SLIT2: variants seen among roughly 807,000 people sequenced by gnomAD.
SLIT2 encodes slit guidance ligand 2.
Under a neutral mutation model 185.7 loss-of-function variants are expected in SLIT2, and 41 were observed. That is an observed-to-expected ratio of 0.22 (90% CI 0.17 to 0.29). The LOEUF (loss-of-function observed/expected upper bound fraction) is 0.29. Among genes scored for constraint, SLIT2 ranks in the 10% least tolerant of loss-of-function variants. The probability of loss-of-function intolerance (pLI) is 1.00; values close to 1 mark genes in which losing one functional copy is unlikely to be tolerated. For synonymous variants in SLIT2, 693 were observed against 680.2 expected (o/e 1.02, Z -0.29); for missense variants, 1,571 against 1,909.0 (o/e 0.82, Z 3.30).
chr4:20,604,627 G>C (rs899468322), intron 33 of SLIT2, among the ~76,000 whole-genome samples: 1 of 151,978 alleles, frequency 6.6e-6, no homozygotes, highest in African/African-American at 2.4e-5. Context: ...GATTACAGGC[G>C]TGAGCCACTG....
At chr4:20,421,404 G>T (rs971323245) in intron 4 of SLIT2, among the ~76,000 whole-genome samples, 1 of 152,086 alleles carries the variant, frequency 6.6e-6, no homozygotes. Flanking sequence ...GCTGATTCAC[G>T]ATGAGTTCCT....
chr4:20,285,884 G>A (rs1577369581), intron 4 of SLIT2, among the ~76,000 whole-genome samples: 1 of 152,228 alleles, frequency 6.6e-6, no homozygotes, highest in South Asian at 2.1e-4. Flanking sequence ...TCTACAAAGA[G>A]AACTATTTTC....
At chr4:20,437,260 G>C (rs1312360530) in intron 4 of SLIT2, among the ~76,000 whole-genome samples, 2 of 152,012 alleles carry the variant, frequency 1.3e-5, no homozygotes. Context: ...CATCTCCCAA[G>C]CTGGCTTCTC....
chr4:20,527,615 A>G (rs1015006872), intron 15 of SLIT2, among the ~76,000 whole-genome samples: 13 of 152,184 alleles, frequency 8.5e-5, no homozygotes, highest in African/African-American at 2.7e-4. Context: ...GGAATCAAGA[A>G]CTTAATTTGC....
At chr4:20,338,700 TGGGAGACAGCA>T (rs1278129401) in intron 4 of SLIT2, among the ~76,000 whole-genome samples, 3 of 152,196 alleles carry the variant, frequency 2.0e-5, no homozygotes, top group Non-Finnish European at 4.4e-5. Context: ...AATGTACTGC[TGGGAGACAGCA>T]GGGAGGGGTT....
At chr4:20,543,826 A>C (rs2148881595) in intron 21 of SLIT2, among the ~76,000 whole-genome samples, 1 of 152,306 alleles carries the variant, frequency 6.6e-6, no homozygotes, top group South Asian at 2.1e-4. Flanking sequence ...TCTCACTACC[A>C]ATCACATTGG....
chr4:20,475,703 G>A (rs571448070), intron 5 of SLIT2, among the ~76,000 whole-genome samples: 1 of 152,116 alleles, frequency 6.6e-6, no homozygotes, highest in South Asian at 2.1e-4. Context: ...TTTATTAAAC[G>A]TTAGCAATTA....
At chr4:20,324,909 A>G (rs1719428676) in intron 4 of SLIT2, among the ~76,000 whole-genome samples, 1 of 152,108 alleles carries the variant, frequency 6.6e-6, no homozygotes, top group African/African-American at 2.4e-5. Flanking sequence ...AAAAACTGCA[A>G]TTATTTTTGC....
chr4:20,466,048 C>T (rs556076181), intron 4 of SLIT2, among the ~76,000 whole-genome samples: 1 of 151,608 alleles, frequency 6.6e-6, no homozygotes, highest in South Asian at 2.1e-4. Context: ...AGAAACACTA[C>T]TAAATGGTTT....
At chr4:20,370,912 C>G (rs572832231) in intron 4 of SLIT2, among the ~76,000 whole-genome samples, 45 of 152,248 alleles carry the variant, frequency 3.0e-4, no homozygotes, top group Non-Finnish European at 5.9e-4. Context: ...TGCCCATTCT[C>G]AACTCCACTT....
At chr4:20,429,887 GGATTTCATCTGCTGGCA>G (rs1213639276) in intron 4 of SLIT2, among the ~76,000 whole-genome samples, 2 of 152,154 alleles carry the variant, frequency 1.3e-5, no homozygotes, top group Admixed American at 1.3e-4. Flanking sequence ...GGCCATGCTT[GGATTTCATCTGCTGGCA>G]GAGGACATCA....
chr4:20,292,703 C>T (rs1029957548), intron 4 of SLIT2, among the ~76,000 whole-genome samples: 21 of 152,116 alleles, frequency 1.4e-4, no homozygotes, highest in Admixed American at 1.1e-3. Flanking sequence ...ATATCAAACT[C>T]GTTAAAATAA....
At chr4:20,492,442 A>G (rs1717864689) in intron 9 of SLIT2, among the ~76,000 whole-genome samples, 1 of 152,252 alleles carries the variant, frequency 6.6e-6, no homozygotes, top group Non-Finnish European at 1.5e-5. Context: ...TACCTCCATT[A>G]AAAGTTAAAT....
rs189068331 is a variant in SLIT2, at chr4:20,619,601, A to T, written c.*592A>T. On this transcript the variant is annotated 3_prime_UTR_variant, in exon 37 of 37. Coordinates refer to ENST00000504154, the MANE Select transcript of SLIT2 (RefSeq NM_004787.4). ...TCTTCCTTTTAAATGTCAGCATGTC[A>T]GCAGAAGCAGCACACAAAAGTCTTT... is the stretch of plus-strand genomic sequence containing the variant. The T allele has an allele frequency of 3.9e-5, 6 of 152,336 alleles. No homozygotes were observed. Among genetic ancestry groups the T allele is most frequent in the African/African-American group, 1.4e-4 (6 of 41,592 alleles). The allele number at this position is 152,336 out of a possible 1,614,324, so 9.4% of individuals were successfully genotyped here. A position where few individuals can be genotyped will look rare whatever the true frequency, so the allele number is the denominator to read the frequency against.
intron 6 of SLIT2, among the ~76,000 whole-genome samples, chr4:20,483,536 T>G (rs537452248): frequency 6.6e-6 from 1 of 152,168 alleles, no homozygotes; most frequent in East Asian, 1.9e-4. Flanking sequence ...GAATTGCTGC[T>G]TTTACATGTT....
At position 20,406,273 on chromosome 4, in the gene SLIT2, T is replaced by C. The variant is rs78021449; in HGVS notation, c.396-61479T>C. ...GCATTATTGTTTTTTATATAAGACA[T>C]GTGAAACATCAATTATAAATGAAAA... On this transcript the variant is annotated intron_variant, in intron 4 of 36. Transcript: ENST00000504154. Among the ~76,000 whole-genome samples, 243 of 144,414 alleles carry C rather than the reference T, an allele frequency of 1.7e-3. 32 individuals are homozygous for C. In the South Asian group the frequency reaches 0.019, roughly 11 times the overall value. The allele number at this position is 144,414 out of a possible 152,430, so 94.7% of individuals were successfully genotyped here. A position where few individuals can be genotyped will look rare whatever the true frequency, so the allele number is the denominator to read the frequency against.
At chr4:20,472,446 C>CTA (rs1326200726) in intron 5 of SLIT2, among the ~76,000 whole-genome samples, 11 of 51,174 alleles carry the variant, frequency 2.1e-4, no homozygotes, top group Non-Finnish European at 1.7e-4. Context: ...AGATATATAT[C>CTA]TATATAGATA....
chr4:20,278,226 G>GTT (rs75438166), intron 4 of SLIT2, among the ~76,000 whole-genome samples: 15 of 145,622 alleles, frequency 1.0e-4, no homozygotes, highest in African/African-American at 3.6e-4. Flanking sequence ...ATGCTTATCT[G>GTT]TTTTTTTTTT....
intron 4 of SLIT2, among the ~76,000 whole-genome samples, chr4:20,271,216 CAAG>C (rs1373017878): frequency 6.6e-6 from 1 of 150,870 alleles, no homozygotes; most frequent in Non-Finnish European, 1.5e-5. Context: ...ATTTTTTTCA[CAAG>C]AAGAACAAGT....
Sources: gnomAD v4.1 joint callset for allele counts (sites outside exome capture counted in the v4.1 genomes callset) on GRCh38, gnomAD v4.1.1 for gene constraint, MANE v1.5 for transcripts, NCBI Gene and HGNC (gene_info 2026-07-23, HGNC 2026-07-21) for gene names.